The following STXBP5L variants were observed in gnomAD, a reference collection of about 807,000 sequenced individuals.
The protein encoded by STXBP5L is syntaxin binding protein 5L, also known as syntaxin-binding protein 5-like.
A neutral mutation model predicts 144.5 loss-of-function variants in STXBP5L; 65 were observed. That is an observed-to-expected ratio of 0.45 (90% CI 0.37 to 0.55). The LOEUF (loss-of-function observed/expected upper bound fraction) is 0.55. STXBP5L is among the 20% of genes least tolerant of loss of function. STXBP5L has a pLI of 0.00. For missense variants in STXBP5L, 1,298 were observed against 1,405.5 expected, an observed-to-expected ratio of 0.92 and a Z score of 1.22; for synonymous variants, 505 against 469.6, an observed-to-expected ratio of 1.08 and a Z score of -0.97.
intron 9 of STXBP5L, among the ~76,000 whole-genome samples, chr3:121,167,219 G>C (rs1046379089): frequency 2.6e-5 from 4 of 152,122 alleles, no homozygotes; most frequent in Non-Finnish European, 5.9e-5. Flanking sequence ...TAATAAAACT[G>C]TACTTTGCCA....
At chr3:121,128,759 T>C (rs558146388) in intron 7 of STXBP5L, among the ~76,000 whole-genome samples, 1 of 152,056 alleles carries the variant, frequency 6.6e-6, no homozygotes, top group Non-Finnish European at 1.5e-5. Flanking sequence ...TTGCCTTGTA[T>C]GATCAGAAAA....
At chr3:120,975,689 A>G (rs148115685) in intron 3 of STXBP5L, among the ~76,000 whole-genome samples, 15,171 of 152,140 alleles carry the variant, frequency 0.1, 951 homozygotes, top group Non-Finnish European at 0.14. Flanking sequence ...TTTGTCATAG[A>G]TAGCTCTTAT....
At chr3:120,988,311 T>C (rs1282478039) in intron 3 of STXBP5L, among the ~76,000 whole-genome samples, 1 of 151,906 alleles carries the variant, frequency 6.6e-6, no homozygotes, top group South Asian at 2.1e-4. Context: ...TTTTTTCATT[T>C]AGTTATATTT....
At chr3:121,256,915 T>G (rs2050224239) in intron 16 of STXBP5L, among the ~76,000 whole-genome samples, 1 of 151,822 alleles carries the variant, frequency 6.6e-6, no homozygotes, top group African/African-American at 2.4e-5. Flanking sequence ...AATTCTGAAG[T>G]TTAAAAATTT....
At chr3:121,041,135 A>C (rs1217808666) in intron 3 of STXBP5L, among the ~76,000 whole-genome samples, 1 of 151,680 alleles carries the variant, frequency 6.6e-6, no homozygotes, top group Non-Finnish European at 1.5e-5. Context: ...TAGCATATGT[A>C]GATGACTTGT....
At chr3:121,208,587 A>G (rs1198527891) in intron 10 of STXBP5L, among the ~76,000 whole-genome samples, 2 of 152,126 alleles carry the variant, frequency 1.3e-5, no homozygotes, top group Non-Finnish European at 2.9e-5. Context: ...TATGAAATAT[A>G]TGACATATAT....
chr3:121,024,328 A>G (rs538549520), intron 3 of STXBP5L, among the ~76,000 whole-genome samples: 1 of 152,330 alleles, frequency 6.6e-6, no homozygotes, highest in South Asian at 2.1e-4. Flanking sequence ...TTTGCCTCAT[A>G]TGCCATTAGG....
intron 9 of STXBP5L, among the ~76,000 whole-genome samples, chr3:121,168,767 T>G (rs192752444): frequency 6.6e-6 from 1 of 152,130 alleles, no homozygotes; most frequent in Non-Finnish European, 1.5e-5. Context: ...AAAACACTCT[T>G]CAGGATATTA....
intron 23 of STXBP5L, among the ~76,000 whole-genome samples, chr3:121,412,925 T>C (rs1008009971): frequency 2.0e-5 from 3 of 151,958 alleles, no homozygotes; most frequent in African/African-American, 7.2e-5. Flanking sequence ...TTCCAGCTAC[T>C]CAGGAGGCTG....
At position 121,378,881 on chromosome 3, in the gene STXBP5L, C is replaced by A; in HGVS notation, c.2342C>A (p.Thr781Lys). Residue 781 changes from threonine (T) to lysine (K), a missense_variant, in exon 21 of 27, where the codon ACA (threonine) becomes AAA (lysine). Thr to Lys is a moderately conservative substitution (Grantham distance 78, BLOSUM62 -1). Transcript: ENST00000471454. ...ACMEISLPVT[T>K]EENRENSYNR... ...ATGGAGATTTCTTTACCAGTTACAA[C>A]AGAAGGTATGTTAAACATATTAAAT... 6.2e-7 allele frequency: 1 copy of A among 1,612,592 alleles called. No individual in the cohort carries two copies.
At chr3:120,932,790 A>G (rs2107623696) in intron 2 of STXBP5L, among the ~76,000 whole-genome samples, 1 of 152,238 alleles carries the variant, frequency 6.6e-6, no homozygotes, top group African/African-American at 2.4e-5. Flanking sequence ...AAGACTTGGA[A>G]CCAACCCAAA....
At chr3:121,070,642 G>C (rs2041768285) in intron 5 of STXBP5L, among the ~76,000 whole-genome samples, 1 of 151,886 alleles carries the variant, frequency 6.6e-6, no homozygotes, top group Non-Finnish European at 1.5e-5. Context: ...ATACCAGTTG[G>C]TACTTTTGCA....
intron 5 of STXBP5L, among the ~76,000 whole-genome samples, chr3:121,105,033 C>A (rs1316810041): frequency 6.6e-6 from 1 of 151,802 alleles, no homozygotes; most frequent in Non-Finnish European, 1.5e-5. Context: ...AACAAATCAG[C>A]AAGAAAAAAA....
chr3:121,189,430 C>T (rs4048751), intron 9 of STXBP5L, among the ~76,000 whole-genome samples: 119,717 of 152,184 alleles, frequency 0.79, 47,317 homozygotes, highest in East Asian at 0.93. Context: ...AGTTTCAGCT[C>T]TCTACAGATG....
intron 20 of STXBP5L, among the ~76,000 whole-genome samples, chr3:121,339,219 C>T (rs576382453): frequency 1.3e-5 from 2 of 152,190 alleles, no homozygotes; most frequent in Admixed American, 1.3e-4. Flanking sequence ...AGGTAATTAA[C>T]TATGATTAAG....
chr3:120,975,394 GTATCC>G (rs1940849231), intron 3 of STXBP5L, among the ~76,000 whole-genome samples: 1 of 152,132 alleles, frequency 6.6e-6, no homozygotes, highest in Non-Finnish European at 1.5e-5. Flanking sequence ...CATTGATTTT[GTATCC>G]TGAGACTTTG....
intron 6 of STXBP5L, among the ~76,000 whole-genome samples, chr3:121,115,647 G>T (rs1163657162): frequency 6.6e-6 from 1 of 152,034 alleles, no homozygotes; most frequent in African/African-American, 2.4e-5. Flanking sequence ...ATTTTGCATT[G>T]CTATAAAGGA....
chr3:121,322,723 G>A (rs1274120607), intron 20 of STXBP5L, among the ~76,000 whole-genome samples: 7 of 152,086 alleles, frequency 4.6e-5, no homozygotes, highest in Middle Eastern at 3.4e-3. Context: ...CCCAGTAATG[G>A]GATTGCTAGG....
chr3:121,407,008 T>C (rs1180870419), intron 22 of STXBP5L, among the ~76,000 whole-genome samples: 1 of 151,994 alleles, frequency 6.6e-6, no homozygotes, highest in Non-Finnish European at 1.5e-5. Context: ...TGTTTTTTCT[T>C]CTTTTTTAAT....
Sources: allele counts gnomAD v4.1 joint callset (sites outside exome capture counted in the v4.1 genomes callset), GRCh38; gene constraint gnomAD v4.1.1; transcripts MANE v1.5; gene names NCBI Gene and HGNC (gene_info 2026-07-23, HGNC 2026-07-21).